MAGI2: variants seen among roughly 807,000 people sequenced by gnomAD.
The protein encoded by MAGI2 is membrane associated guanylate kinase, WW and PDZ domain containing 2, also known as membrane-associated guanylate kinase, WW and PDZ domain-containing protein 2.
A neutral mutation model predicts 133.3 loss-of-function variants in MAGI2; 35 were observed. That is an observed-to-expected ratio of 0.26 (90% CI 0.20 to 0.35). MAGI2 has a LOEUF of 0.35. Ranked by LOEUF, MAGI2 falls within the 10% of genes least tolerant of loss-of-function variation. The pLI is 1.00. For missense variants in MAGI2, 1,636 were observed against 1,863.4 expected, an observed-to-expected ratio of 0.88 and a Z score of 2.25; for synonymous variants, 729 against 710.6, an observed-to-expected ratio of 1.03 and a Z score of -0.41.
chr7:78,030,768 C>T (rs1336350950), intron 21 of MAGI2, among the ~76,000 whole-genome samples: 1 of 152,192 alleles, frequency 6.6e-6, no homozygotes, highest in Non-Finnish European at 1.5e-5. Flanking sequence ...AAGACTCTCA[C>T]ACAATGTTGT....
At chr7:78,749,414 A>G (rs1477036870) in intron 2 of MAGI2, among the ~76,000 whole-genome samples, 2 of 152,182 alleles carry the variant, frequency 1.3e-5, no homozygotes, top group Non-Finnish European at 2.9e-5. Context: ...TAGTAGGTAA[A>G]TCATATGGTA....
intron 2 of MAGI2, among the ~76,000 whole-genome samples, chr7:78,923,569 C>A (rs1226283515): frequency 1.3e-5 from 2 of 152,150 alleles, no homozygotes; most frequent in Non-Finnish European, 2.9e-5. Context: ...GTTTTGGTAC[C>A]AGTACCATGC....
intron 2 of MAGI2, among the ~76,000 whole-genome samples, chr7:78,889,856 G>A (rs555565874): frequency 2.0e-5 from 3 of 152,130 alleles, no homozygotes; most frequent in East Asian, 1.9e-4. Flanking sequence ...TCATAATGAC[G>A]AGATCAAATT....
intron 2 of MAGI2, among the ~76,000 whole-genome samples, chr7:78,709,990 C>CA (rs1239682540): frequency 6.6e-6 from 1 of 152,136 alleles, no homozygotes; most frequent in Non-Finnish European, 1.5e-5. Context: ...TAGAAGTCAT[C>CA]AAACCTTCAA....
At chr7:78,854,108 T>A in intron 2 of MAGI2, among the ~76,000 whole-genome samples, 1 of 152,272 alleles carries the variant, frequency 6.6e-6, no homozygotes, top group Admixed American at 6.5e-5. Flanking sequence ...AAATTAAATT[T>A]ATTGATAAAA....
intron 14 of MAGI2, 50 bp from the exon 15 acceptor site, chr7:78,168,158 C>CA: frequency 7.8e-7 from 1 of 1,276,680 alleles, no homozygotes; most frequent in Non-Finnish European, 1.1e-6. Flanking sequence ...ATCCTTTTTC[C>CA]TTTTTTTTTT....
Position 79,224,967 on chromosome 7 carries a change from T to C in MAGI2, c.302-217761A>G, listed in dbSNP as rs1433250916. Among the ~76,000 whole-genome samples, 3 of 152,322 alleles carry C rather than the reference T, an allele frequency of 2.0e-5. No homozygotes were observed. The East Asian group carries it at 5.8e-4, about 29-fold the overall frequency. Reference sequence around the variant, plus strand: ...ACAAATGGATTTTACTGCATGTAAATTATATCTTAATAAACTTTACATTTA... The same window carrying C: ...ACAAATGGATTTTACTGCATGTAAACTATATCTTAATAAACTTTACATTTA... On this transcript the variant is annotated intron_variant, in intron 1 of 21. Coordinates refer to ENST00000354212, the MANE Select transcript of MAGI2 (RefSeq NM_012301.4).
At chr7:78,633,459 A>T (rs573059277) in intron 2 of MAGI2, among the ~76,000 whole-genome samples, 1 of 152,194 alleles carries the variant, frequency 6.6e-6, no homozygotes, top group Non-Finnish European at 1.5e-5. Flanking sequence ...TAATCCCAGC[A>T]CTTTGGGAGG....
chr7:79,280,779 G>C (rs1585415524), intron 1 of MAGI2, among the ~76,000 whole-genome samples: 1 of 151,528 alleles, frequency 6.6e-6, no homozygotes, highest in African/African-American at 2.4e-5. Context: ...TACAAACATA[G>C]CCAGGCATGG....
chr7:78,825,083 G>A (rs1160211536), intron 2 of MAGI2, among the ~76,000 whole-genome samples: 1 of 152,056 alleles, frequency 6.6e-6, no homozygotes, highest in Non-Finnish European at 1.5e-5. Context: ...GGGGGCAAAG[G>A]GAGGGAGAGC....
In MAGI2 at chr7:78,256,696, A is replaced by T. The variant is rs1300701062; in HGVS notation, c.1409-115T>A. The T allele has an allele frequency of 6.3e-6, 5 of 798,908 alleles. No homozygotes were observed. The South Asian group carries it at 8.8e-5, about 14-fold the overall frequency. 49.5% of individuals were successfully genotyped at this position (798,908 alleles called of 1,614,324 possible). On this transcript the variant is annotated intron_variant, in intron 9 of 21. Transcript: ENST00000354212. ...TGTTGTTTCTTAGTAAGCAGTGAGA[A>T]ATCAATTAGAATAATACTTAAAATC...
intron 21 of MAGI2, chr7:78,072,580 G>C: frequency 4.7e-6 from 1 of 211,924 alleles, no homozygotes; most frequent in Non-Finnish European, 9.3e-6. Context: ...GGAATATATT[G>C]TCTGGAGTTT....
In MAGI2 at chr7:78,018,418, C is replaced by T. The variant is rs1308322791; in HGVS notation, c.*897G>A. 1 of 152,202 alleles carries T rather than the reference C, an allele frequency of 6.6e-6. No individual in the cohort carries two copies. The highest frequency in any genetic ancestry group is 2.4e-5 in the African/African-American group (1 of 41,398). 9.4% of individuals were successfully genotyped at this position (152,202 alleles called of 1,614,324 possible). On this transcript the variant is annotated 3_prime_UTR_variant, in exon 22 of 22. Coordinates refer to ENST00000354212, the MANE Select transcript of MAGI2 (RefSeq NM_012301.4). ...GCTATCCATCTCTGCTAGCCTGGGACGACAGAAAAGCCTCTTCATAAAGGA... is the reference window on the plus strand; with the variant it reads ...GCTATCCATCTCTGCTAGCCTGGGATGACAGAAAAGCCTCTTCATAAAGGA...
At chr7:78,093,227 G>A (rs1817398990) in intron 20 of MAGI2, among the ~76,000 whole-genome samples, 1 of 149,702 alleles carries the variant, frequency 6.7e-6, no homozygotes. Flanking sequence ...GGAGGCCAAA[G>A]TGGGCAGATC....
At chr7:78,654,566 G>A (rs1227738698) in intron 2 of MAGI2, among the ~76,000 whole-genome samples, 1 of 151,426 alleles carries the variant, frequency 6.6e-6, no homozygotes, top group African/African-American at 2.4e-5. Context: ...CGTTTCCCAA[G>A]TTGAGTTCTG....
rs531131936 is a variant in MAGI2, at chr7:78,646,334, CTT to C, written c.419-19097_419-19096del. On this transcript the variant is annotated intron_variant, in intron 2 of 21. Coordinates refer to ENST00000354212, the MANE Select transcript of MAGI2 (RefSeq NM_012301.4). ...ATATTAAGCAATCATTAAAAGAACA[CTT>C]ATAATCATATAAGAGTATGGAAATG... 9.5e-4 allele frequency among the ~76,000 whole-genome samples: 145 copies of C among 152,162 alleles called. 2 individuals are homozygous for C. The South Asian group carries it at 0.028, about 29-fold the overall frequency.
In MAGI2 at chr7:78,018,825, G is replaced by T. The variant is rs142789716; in HGVS notation, c.*490C>A. ...TTTAACCCCTGTCTAGATATGTCGAGAACAATTTATTTACAACGCTTTAGA... is the reference window on the plus strand; with the variant it reads ...TTTAACCCCTGTCTAGATATGTCGATAACAATTTATTTACAACGCTTTAGA... On this transcript the variant is annotated 3_prime_UTR_variant, in exon 22 of 22. Transcript: ENST00000354212. The T allele has an allele frequency of 3.4e-5, 8 of 232,454 alleles. No homozygotes were observed. Among genetic ancestry groups the T allele is most frequent in the Non-Finnish European group, 6.6e-5 (8 of 121,088 alleles). The allele number at this position is 232,454 out of a possible 1,614,324, so 14.4% of individuals were successfully genotyped here. A position where few individuals can be genotyped will look rare whatever the true frequency, so the allele number is the denominator to read the frequency against.
rs186595861 is a variant in MAGI2 at position 79,016,273 on chromosome 7, T to C, written c.302-9067A>G. On this transcript the variant is annotated intron_variant, in intron 1 of 21. Transcript: ENST00000354212. ...TAAGGCCTAAGAAAACTGTTGGACCTGAACATTGCAGGGTGATCTTGCTCA... is the reference window on the plus strand; with the variant it reads ...TAAGGCCTAAGAAAACTGTTGGACCCGAACATTGCAGGGTGATCTTGCTCA... Among the ~76,000 whole-genome samples the C allele has an allele frequency of 9.6e-3, 1,462 of 152,208 alleles. 12 individuals are homozygous for C. Among genetic ancestry groups the C allele is most frequent in the Non-Finnish European group, 0.013 (890 of 68,002 alleles).
chr7:78,857,540 T>C (rs1158294894), intron 2 of MAGI2, among the ~76,000 whole-genome samples: 3 of 152,244 alleles, frequency 2.0e-5, no homozygotes, highest in Non-Finnish European at 4.4e-5. Flanking sequence ...GTTCTGTTTA[T>C]ATGATGCATT....
Sources: allele counts gnomAD v4.1 joint callset (sites outside exome capture counted in the v4.1 genomes callset), GRCh38; gene constraint gnomAD v4.1.1; transcripts MANE v1.5; gene names NCBI Gene and HGNC (gene_info 2026-07-23, HGNC 2026-07-21).